Variants in LCMT1 observed in about 807,000 individuals in gnomAD.
LCMT1 encodes [Phosphatase 2A protein]-leucine-carboxy methyltransferase 1.
A neutral mutation model predicts 47.7 loss-of-function variants in LCMT1; 32 were observed. The ratio of observed to expected loss-of-function variants is 0.67; its 90% CI spans 0.51 to 0.90. LCMT1 has a LOEUF of 0.90. LCMT1 is among the 40% of genes least tolerant of loss of function. The pLI, the probability that LCMT1 is intolerant of heterozygous loss-of-function variation, is 0.00. For synonymous variants in LCMT1, 152 were observed against 149.7 expected (o/e 1.02, Z -0.11); for missense variants, 375 against 415.2 (o/e 0.90, Z 0.84).
chr16:25,166,219 G>A (rs8055258), intron 7 of LCMT1, among the ~76,000 whole-genome samples: 100,598 of 149,052 alleles, frequency 0.67, 34,321 homozygotes, highest in Non-Finnish European at 0.74. Flanking sequence ...GCAGTGAGCC[G>A]AGACTGCACC....
chr16:25,112,908 C>T (rs1309105383), intron 1 of LCMT1, among the ~76,000 whole-genome samples: 4 of 151,692 alleles, frequency 2.6e-5, no homozygotes, highest in South Asian at 4.1e-4. Flanking sequence ...TTTGGGAGGC[C>T]GAGGTGGGCA....
chr16:25,145,479 C>G (rs1192913573), intron 4 of LCMT1: 1 of 152,166 alleles, frequency 6.6e-6, no homozygotes, highest in Admixed American at 6.5e-5. Context: ...CAAAAAGATA[C>G]AGGGATTCTG....
At chr16:25,151,444 T>C (rs1029650371) in intron 4 of LCMT1, 110 bp from the exon 5 acceptor site, 2 of 889,770 alleles carry the variant, frequency 2.2e-6, no homozygotes, top group Admixed American at 2.2e-5. Context: ...ATAGCAAATA[T>C]ATATTTGCCA....
At position 25,157,300 on chromosome 16, in the gene LCMT1, C is replaced by T. The variant is rs371133148; in HGVS notation, c.467-3802C>T. Among the ~76,000 whole-genome samples, 31 of 152,142 alleles carry T rather than the reference C, an allele frequency of 2.0e-4. 1 individual carries two copies. The South Asian group carries it at 6.4e-3, about 32-fold the overall frequency. On this transcript the variant is annotated intron_variant, in intron 5 of 10. Transcript: ENST00000399069. The stretch of plus-strand genomic sequence containing the variant: ...GGCTCACACCTATAATCCCATTACT[C>T]TGGGAGGCAGAGGCAGGAGGATCCC...
chr16:25,172,179 C>A (rs907366126), intron 9 of LCMT1, among the ~76,000 whole-genome samples: 2 of 151,830 alleles, frequency 1.3e-5, no homozygotes, highest in Non-Finnish European at 2.9e-5. Flanking sequence ...TGGTGGCGGG[C>A]GCCTGTAATC....
At chr16:25,146,564 G>T (rs1475643902) in intron 4 of LCMT1, 1 of 152,300 alleles carries the variant, frequency 6.6e-6, no homozygotes, top group African/African-American at 2.4e-5. Flanking sequence ...AAGCTGTGCT[G>T]TCTTGGTCAG....
At chr16:25,117,407 C>G (rs1443845471) in intron 1 of LCMT1, among the ~76,000 whole-genome samples, 1 of 152,232 alleles carries the variant, frequency 6.6e-6, no homozygotes, top group Non-Finnish European at 1.5e-5. Context: ...TCTGCTCACT[C>G]TAGCCTGATA....
In LCMT1 at chr16:25,171,891, A is replaced by C. The variant is rs548314018; in HGVS notation, c.884+1086A>C. On this transcript the variant is annotated intron_variant, in intron 9 of 10. Transcript: ENST00000399069. ...AATATTTATTGATACATAGATTTCT[A>C]TTTTTTGAATCTGTGGATTCATACT... is the stretch of plus-strand genomic sequence containing the variant. Among the ~76,000 whole-genome samples, 36 of 152,284 alleles carry C rather than the reference A, an allele frequency of 2.4e-4. No individual in the cohort carries two copies. In the South Asian group the frequency reaches 7.5e-3, roughly 32 times the overall value.
intron 4 of LCMT1, among the ~76,000 whole-genome samples, chr16:25,150,656 G>A (rs1348653457): frequency 6.6e-6 from 1 of 151,910 alleles, no homozygotes; most frequent in African/African-American, 2.4e-5. Flanking sequence ...CATCTTAATA[G>A]TTTTAACTAC....
At chr16:25,174,038 A>G (rs1961855627) in intron 9 of LCMT1, among the ~76,000 whole-genome samples, 2 of 152,032 alleles carry the variant, frequency 1.3e-5, no homozygotes, top group African/African-American at 4.8e-5. Flanking sequence ...CAGCCTCCCA[A>G]ATAGCTGTGA....
chr16:25,164,483 C>A, intron 6 of LCMT1, 115 bp from the exon 7 acceptor site: 1 of 1,229,716 alleles, frequency 8.1e-7, no homozygotes, highest in Non-Finnish European at 1.2e-6. Context: ...CTTGCTCAGG[C>A]CTTCTGAGTT....
intron 5 of LCMT1, among the ~76,000 whole-genome samples, chr16:25,160,526 A>T (rs1455912794): frequency 6.6e-6 from 1 of 152,258 alleles, no homozygotes; most frequent in Non-Finnish European, 1.5e-5. Flanking sequence ...GGGTCCCCAT[A>T]TTTAAATAGG....
chr16:25,141,121 C>T (rs866862432), intron 4 of LCMT1: 4 of 152,266 alleles, frequency 2.6e-5, no homozygotes, highest in Middle Eastern at 3.4e-3. Context: ...ATTCTTGGGC[C>T]ATCATTAGCT....
At chr16:25,115,204 G>A (rs751220061) in intron 1 of LCMT1, among the ~76,000 whole-genome samples, 1 of 152,016 alleles carries the variant, frequency 6.6e-6, no homozygotes, top group Non-Finnish European at 1.5e-5. Context: ...TTCCCATGCT[G>A]TGCCCATTTC....
intron 5 of LCMT1, among the ~76,000 whole-genome samples, chr16:25,153,010 C>T (rs1961127610): frequency 6.6e-6 from 1 of 152,112 alleles, no homozygotes; most frequent in Non-Finnish European, 1.5e-5. Context: ...CACCAGTAGT[C>T]AGCACAGGTA....
At chr16:25,165,093 T>C (rs1422297179) in intron 7 of LCMT1, among the ~76,000 whole-genome samples, 1 of 62,714 alleles carries the variant, frequency 1.6e-5, no homozygotes, top group South Asian at 8.2e-4. Flanking sequence ...GGTGTAATAG[T>C]GTAGGGTTTG....
At chr16:25,126,039 C>G in intron 1 of LCMT1, 2 of 1,351,284 alleles carry the variant, frequency 1.5e-6, no homozygotes, top group Non-Finnish European at 9.8e-7. Context: ...TTCATCTTGG[C>G]CACTCTGATA....
chr16:25,139,628 A>G (rs1960618696), intron 3 of LCMT1, among the ~76,000 whole-genome samples: 1 of 152,188 alleles, frequency 6.6e-6, no homozygotes, highest in African/African-American at 2.4e-5. Flanking sequence ...GTCAAAACCT[A>G]CTACATTGAT....
At chr16:25,132,184 T>C in intron 2 of LCMT1, 1 of 559,910 alleles carries the variant, frequency 1.8e-6, no homozygotes, top group Non-Finnish European at 3.2e-6. Flanking sequence ...GTTAATTGCT[T>C]CATGAAATAG....
Sources: allele counts gnomAD v4.1 joint callset (sites outside exome capture counted in the v4.1 genomes callset), GRCh38; gene constraint gnomAD v4.1.1; transcripts MANE v1.5; gene names NCBI Gene and HGNC (gene_info 2026-07-23, HGNC 2026-07-21).